Variants in SLC9A9 observed in about 807,000 individuals in gnomAD.
SLC9A9 encodes solute carrier family 9 member A9.
A neutral mutation model predicts 77.8 loss-of-function variants in SLC9A9; 62 were observed. The observed-to-expected ratio is 0.80, with a 90% CI of 0.65 to 0.98. SLC9A9 has a LOEUF of 0.98. Ranked by LOEUF, SLC9A9 falls within the 50% of genes least tolerant of loss-of-function variation. SLC9A9 has a pLI of 0.00. For missense variants in SLC9A9, 775 were observed against 774.9 expected, an observed-to-expected ratio of 1.00 and a Z score of 0.00; for synonymous variants, 320 against 283.5, an observed-to-expected ratio of 1.13 and a Z score of -1.29.
chr3:143,734,323 C>T (rs564913104), intron 4 of SLC9A9, among the ~76,000 whole-genome samples: 8 of 152,002 alleles, frequency 5.3e-5, no homozygotes, highest in Non-Finnish European at 1.2e-4. Flanking sequence ...GCTTATACAC[C>T]CAAGTTTGTT....
At position 143,627,505 on chromosome 3, in the gene SLC9A9, A is replaced by G. The variant is rs2038351585; in HGVS notation, c.755+24750T>C. On this transcript the variant is annotated intron_variant, in intron 6 of 15. Transcript: ENST00000316549. ...CTCAAACTTTTGGTGTGCAGCACAG[A>G]CACAGTATGCCACATGCAGAGGCGG... is the stretch of plus-strand genomic sequence containing the variant. 5 of 274,456 alleles carry G rather than the reference A, an allele frequency of 1.8e-5. 1 individual carries two copies. The South Asian group carries it at 1.9e-4, about 10-fold the overall frequency. The allele number at this position is 274,456 out of a possible 1,614,324, so 17.0% of individuals were successfully genotyped here.
intron 14 of SLC9A9, among the ~76,000 whole-genome samples, chr3:143,307,815 T>C (rs1236561864): frequency 1.3e-5 from 2 of 152,072 alleles, no homozygotes; most frequent in Non-Finnish European, 2.9e-5. Flanking sequence ...ATACAGGACA[T>C]GGAAAACAGA....
At chr3:143,319,687 T>C (rs926514342) in intron 14 of SLC9A9, among the ~76,000 whole-genome samples, 2 of 152,150 alleles carry the variant, frequency 1.3e-5, no homozygotes, top group Non-Finnish European at 2.9e-5. Context: ...ACATTTGCAG[T>C]CTGTTGCAAG....
intron 9 of SLC9A9, among the ~76,000 whole-genome samples, chr3:143,509,765 A>G (rs975484897): frequency 4.6e-5 from 7 of 152,202 alleles, no homozygotes; most frequent in Admixed American, 2.0e-4. Context: ...GATTTTCAAA[A>G]ATTAGTTTAT....
At chr3:143,295,665 A>C (rs1379314698) in intron 14 of SLC9A9, among the ~76,000 whole-genome samples, 1 of 152,136 alleles carries the variant, frequency 6.6e-6, no homozygotes, top group Admixed American at 6.6e-5. Flanking sequence ...TCAACCTCTC[A>C]TATCCATCCT....
chr3:143,290,603 G>C (rs1239923702), intron 14 of SLC9A9, among the ~76,000 whole-genome samples: 2 of 152,110 alleles, frequency 1.3e-5, no homozygotes, highest in Non-Finnish European at 2.9e-5. Context: ...ACATCAGATT[G>C]CCTTGCTAAC....
intron 2 of SLC9A9, among the ~76,000 whole-genome samples, chr3:143,802,524 G>A (rs1477111732): frequency 6.6e-6 from 1 of 152,130 alleles, no homozygotes; most frequent in Non-Finnish European, 1.5e-5. Context: ...ATGGGTAGAG[G>A]CCTTTCCCAC....
At position 143,693,316 on chromosome 3, in the gene SLC9A9, G is replaced by GGTCATGTTTTTCTCTTCAAC; in HGVS notation, c.534-10_534-9insGTTGAAGAGAAAAACATGAC. The GGTCATGTTTTTCTCTTCAAC allele has an allele frequency of 6.3e-7, 1 of 1,599,732 alleles. No individual in the cohort carries two copies. The highest frequency in any genetic ancestry group is 8.6e-7 in the Non-Finnish European group (1 of 1,167,310). On this transcript the variant is annotated splice_polypyrimidine_tract_variant and intron_variant, in intron 4 of 15. Coordinates refer to ENST00000316549, the MANE Select transcript of SLC9A9 (RefSeq NM_173653.4). ...AACCATACATAATTAACCTGTTGAA[G>GGTCATGTTTTTCTCTTCAAC]AGAAAAACATGACCTTCAAACATCA...
intron 4 of SLC9A9, among the ~76,000 whole-genome samples, chr3:143,773,882 A>G (rs1392791803): frequency 3.3e-5 from 5 of 152,192 alleles, no homozygotes; most frequent in Non-Finnish European, 7.3e-5. Flanking sequence ...TTCCAGTGTG[A>G]GGTTCATTGC....
At chr3:143,724,994 G>T (rs1560050187) in intron 4 of SLC9A9, among the ~76,000 whole-genome samples, 1 of 152,152 alleles carries the variant, frequency 6.6e-6, no homozygotes, top group East Asian at 1.9e-4. Context: ...CACGTGGCTT[G>T]GTCTAAGCCT....
At chr3:143,814,321 T>C (rs1344369517) in intron 2 of SLC9A9, among the ~76,000 whole-genome samples, 1 of 152,018 alleles carries the variant, frequency 6.6e-6, no homozygotes, top group Non-Finnish European at 1.5e-5. Flanking sequence ...TCCAGAATCA[T>C]CAGTATGGAA....
chr3:143,574,009 G>C, intron 8 of SLC9A9, 79 bp downstream of exon 8: 1 of 1,240,776 alleles, frequency 8.1e-7, no homozygotes, highest in South Asian at 1.2e-5. Context: ...TTCACCTCCT[G>C]CTAGGTCAGG....
At position 143,427,171 on chromosome 3, in the gene SLC9A9, A is replaced by T. The variant is rs115674599; in HGVS notation, c.1469+39866T>A. 6.2e-3 allele frequency among the ~76,000 whole-genome samples: 944 copies of T among 152,340 alleles called. 5 individuals are homozygous for T. Among genetic ancestry groups the T allele is most frequent in the African/African-American group, 0.021 (864 of 41,586 alleles). On this transcript the variant is annotated intron_variant, in intron 12 of 15. Coordinates refer to ENST00000316549, the MANE Select transcript of SLC9A9 (RefSeq NM_173653.4). ...ACTTGCTTACTCTGTGCCAGGCTAA[A>T]GCATGACATAGGTTAAAATGCCCAG...
intron 6 of SLC9A9, among the ~76,000 whole-genome samples, chr3:143,630,076 C>A (rs1232264003): frequency 1.3e-5 from 2 of 151,998 alleles, no homozygotes; most frequent in African/African-American, 2.4e-5. Context: ...ATTCAACAAC[C>A]ATTTATCCTC....
intron 12 of SLC9A9, among the ~76,000 whole-genome samples, chr3:143,407,927 A>G (rs2034013845): frequency 6.6e-6 from 1 of 152,194 alleles, no homozygotes; most frequent in African/African-American, 2.4e-5. Context: ...TCAAACAGAA[A>G]TTTGTTTCTC....
At chr3:143,611,692 C>G (rs2038024633) in intron 6 of SLC9A9, among the ~76,000 whole-genome samples, 1 of 151,960 alleles carries the variant, frequency 6.6e-6, no homozygotes, top group South Asian at 2.1e-4. Context: ...GTCAAGAAAT[C>G]AAGTATAATA....
At chr3:143,651,169 T>C (rs559629430) in intron 6 of SLC9A9, among the ~76,000 whole-genome samples, 1 of 152,362 alleles carries the variant, frequency 6.6e-6, no homozygotes, top group South Asian at 2.1e-4. Flanking sequence ...TCTTGGTGTT[T>C]CTTTAAAAGC....
intron 14 of SLC9A9, among the ~76,000 whole-genome samples, chr3:143,299,728 C>T (rs2030436797): frequency 6.6e-6 from 1 of 152,162 alleles, no homozygotes; most frequent in African/African-American, 2.4e-5. Flanking sequence ...CAGGCGTGAG[C>T]CACCACGTCC....
At chr3:143,323,049 A>G (rs1175345358) in intron 14 of SLC9A9, among the ~76,000 whole-genome samples, 1 of 152,236 alleles carries the variant, frequency 6.6e-6, no homozygotes, top group Non-Finnish European at 1.5e-5. Context: ...TTCCAGGCAG[A>G]GTGGCTGTTA....
Sources: allele counts gnomAD v4.1 joint callset (sites outside exome capture counted in the v4.1 genomes callset), GRCh38; gene constraint gnomAD v4.1.1; transcripts MANE v1.5; gene names NCBI Gene and HGNC (gene_info 2026-07-23, HGNC 2026-07-21).